Variants in CYP4F3 observed in about 807,000 individuals in gnomAD.
The protein encoded by CYP4F3 is cytochrome P450 family 4 subfamily F member 3, also known as cytochrome P450 4F3.
CYP4F3 carries 50 observed loss-of-function variants against 54.8 expected under a neutral mutation model. The observed-to-expected ratio is 0.91, with a 90% CI of 0.73 to 1.16. The LOEUF is 1.16. Ranked by LOEUF, CYP4F3 falls within the 50% of genes most tolerant of loss-of-function variation. CYP4F3 has a pLI of 0.00. For synonymous variants in CYP4F3, 244 were observed against 262.6 expected, an observed-to-expected ratio of 0.93 and a Z score of 0.69; for missense variants, 715 against 676.2, an observed-to-expected ratio of 1.06 and a Z score of -0.64.
chr19:15,650,240 C>T (rs748064485), intron 7 of CYP4F3, 57 bp downstream of exon 7: 1 of 1,613,952 alleles, frequency 6.2e-7, no homozygotes, highest in South Asian at 1.1e-5. Flanking sequence ...TGTGAAATGT[C>T]AGATGAAAGA....
intron 7 of CYP4F3, 181 bp downstream of exon 7, chr19:15,650,364 A>G (rs954156030): frequency 4.1e-6 from 5 of 1,206,400 alleles, no homozygotes; most frequent in Admixed American, 2.2e-5. Flanking sequence ...CTACCAGGGG[A>G]CTGCTAAATG....
chr19:15,641,056 C>T (rs540123648), intron 1 of CYP4F3, 111 bp downstream of exon 1: 1 of 269,108 alleles, frequency 3.7e-6, no homozygotes, highest in Non-Finnish European at 7.2e-6. Flanking sequence ...CCACATTCTC[C>T]ATTGCTGCCC....
In CYP4F3 at chr19:15,652,803, C is replaced by T; in HGVS notation, c.986-20C>T. On this transcript the variant is annotated intron_variant, in intron 8 of 12. Coordinates refer to ENST00000221307, the MANE Select transcript of CYP4F3 (RefSeq NM_000896.3). ...TGCTGAAGCAGCCCAGAGACCCAAG[C>T]CTGCCTTGCTGCCCCCCAGGCCATG... 5.0e-6 allele frequency: 8 copies of T among 1,606,804 alleles called. No individual in the cohort carries two copies. Among genetic ancestry groups the T allele is most frequent in the Non-Finnish European group, 6.8e-6 (8 of 1,176,244 alleles).
chr19:15,658,328 C>T lies in CYP4F3; in HGVS notation c.1180C>T (p.Pro394Ser). 6.2e-7 allele frequency: 1 copy of T among 1,614,178 alleles called. No homozygotes were observed. The highest frequency in any genetic ancestry group is 8.5e-7 in the Non-Finnish European group (1 of 1,180,034). The change falls in exon 10 of 13, where the codon CCA becomes TCA. Residue 394 changes from proline (P) to serine (S), a missense_variant. By Grantham distance (74) the Pro-to-Ser change is moderately conservative. Transcript: ENST00000221307. ...CIKESLRLHP[P>S]VPAVSRCCTQ... Reference sequence around the variant, plus strand: ...TAAGGAGAGCCTGAGGCTGCATCCCCCAGTCCCTGCCGTCTCTCGCTGCTG... The same window carrying T: ...TAAGGAGAGCCTGAGGCTGCATCCCTCAGTCCCTGCCGTCTCTCGCTGCTG...
intron 5 of CYP4F3, among the ~76,000 whole-genome samples, chr19:15,648,431 T>C (rs1433398935): frequency 1.3e-5 from 2 of 151,988 alleles, no homozygotes; most frequent in African/African-American, 4.8e-5. Context: ...GGGTGTCCCT[T>C]ATCCTCAAAG....
chr19:15,646,605 G>A (rs1477704055), intron 3 of CYP4F3, among the ~76,000 whole-genome samples: 1 of 152,090 alleles, frequency 6.6e-6, no homozygotes, highest in Admixed American at 6.5e-5. Flanking sequence ...GTATTTTGTG[G>A]CCATGTCAGG....
At chr19:15,645,650 C>G in intron 2 of CYP4F3, 69 bp from the exon 3 acceptor site, 2 of 1,513,750 alleles carry the variant, frequency 1.3e-6, no homozygotes. Context: ...GCTTCCACCT[C>G]TTCCCTGCAG....
Position 15,658,544 on chromosome 19 carries a change from C to T in CYP4F3, c.1303C>T (p.Pro435Ser), listed in dbSNP as rs763368515. Residue 435 changes from proline to serine, a missense_variant, in exon 11 of 13, where the codon CCG becomes TCG. Pro to Ser is a moderately conservative substitution (Grantham distance 74). Transcript: ENST00000221307. ...FGTHHNPAVW[P>S]DPEVYDPFRF... ...AACCCATCACAACCCAGCCGTGTGG[C>T]CGGACCCTGAGGTGCGGGCCCCCCG... The T allele has an allele frequency of 1.8e-5, 29 of 1,614,160 alleles. No individual in the cohort carries two copies. Among genetic ancestry groups the T allele is most frequent in the South Asian group, 1.6e-4 (15 of 91,088 alleles).
At chr19:15,643,015 T>C (rs1031250536) in intron 2 of CYP4F3, among the ~76,000 whole-genome samples, 5 of 150,850 alleles carry the variant, frequency 3.3e-5, no homozygotes, top group African/African-American at 1.2e-4. Flanking sequence ...GATGGATGGA[T>C]AGATAGCTAG....
Position 15,641,538 on chromosome 19 carries a change from C to G in CYP4F3, c.123C>G (p.Phe41Leu), listed in dbSNP as rs1972463526. 5.0e-6 allele frequency: 8 copies of G among 1,614,084 alleles called. No individual in the cohort carries two copies. The highest frequency in any genetic ancestry group is 6.8e-6 in the Non-Finnish European group (8 of 1,180,042). ...LARILAWTYT[F>L]YDNCCRLRCF... The stretch of plus-strand genomic sequence containing the variant: ...GCATCCTGGCCTGGACCTATACCTT[C>G]TATGACAACTGCTGCCGCCTCCGGT... Residue 41 changes from phenylalanine (F) to leucine (L), a missense_variant, in exon 2 of 13, where the codon TTC becomes TTG. Coordinates refer to ENST00000221307, the MANE Select transcript of CYP4F3 (RefSeq NM_000896.3).
chr19:15,649,367 C>A (rs1202416532), intron 6 of CYP4F3, 86 bp downstream of exon 6: 3 of 1,596,290 alleles, frequency 1.9e-6, no homozygotes, highest in Non-Finnish European at 2.6e-6. Flanking sequence ...GCAGGGAAAT[C>A]AGACAAACCT....
At position 15,658,400 on chromosome 19, in the gene CYP4F3, G is replaced by A. The variant is rs769189118; in HGVS notation, c.1249+3G>A. ...AGACGGCCGGGTCATCCCCAAAGGT[G>A]CCACAGCCTCAGGGGGAGGAGCCTC... is the stretch of plus-strand genomic sequence containing the variant. On this transcript the variant is annotated splice_donor_region_variant and intron_variant, in intron 10 of 12. Coordinates refer to ENST00000221307, the MANE Select transcript of CYP4F3 (RefSeq NM_000896.3). 7 of 1,613,684 alleles carry A rather than the reference G, an allele frequency of 4.3e-6. No homozygotes were observed. The South Asian group carries it at 6.6e-5, about 15-fold the overall frequency.
chr19:15,659,159 G>C (rs908064663), intron 12 of CYP4F3, 61 bp from the exon 13 acceptor site: 2 of 1,279,374 alleles, frequency 1.6e-6, no homozygotes, highest in Non-Finnish European at 1.1e-6. Flanking sequence ...CAGGTTACCG[G>C]CTTGATGGGG....
chr19:15,652,635 G>A lies in CYP4F3; in HGVS notation c.985G>A (p.Gly329Ser). ...RAEADTFMFE[G>S]HDTTASGLSW... Reference sequence around the variant, plus strand: ...AGAAGCTGACACCTTTATGTTTGAGGGTGAGGGCCCCAGTGTGGGGCTAGA... The same window carrying A: ...AGAAGCTGACACCTTTATGTTTGAGAGTGAGGGCCCCAGTGTGGGGCTAGA... The change falls in exon 8 of 13, where the codon GGC (glycine) becomes AGC (serine). Residue 329 changes from glycine to serine, a missense_variant and splice_region_variant. Physicochemically the swap from Gly to Ser is moderately conservative, Grantham distance 56. Coordinates refer to ENST00000221307, the MANE Select transcript of CYP4F3 (RefSeq NM_000896.3). 2 of 1,614,160 alleles carry A rather than the reference G, an allele frequency of 1.2e-6. No homozygotes were observed. Among genetic ancestry groups the A allele is most frequent in the Non-Finnish European group, 1.7e-6 (2 of 1,180,030 alleles).
At position 15,645,853 on chromosome 19, in the gene CYP4F3, C is replaced by G. The variant is rs575873404; in HGVS notation, c.333C>G (p.Leu111=). 759 of 1,608,634 alleles carry G rather than the reference C, an allele frequency of 4.7e-4. 10 individuals carry two copies. In the South Asian group the frequency reaches 7.9e-3, roughly 17 times the overall value. ...IFHPTYIKPV[L]FAPAAIVPKD... The stretch of plus-strand genomic sequence containing the variant: ...ACCCCACCTACATCAAGCCTGTGCT[C>G]TTTGCTCCAGGTAGACACTGCACTG... The change falls in exon 3 of 13, where the codon CTC becomes CTG. Residue 111 remains leucine, a synonymous_variant. Transcript: ENST00000221307.
chr19:15,658,455 G>A (rs1352149813), intron 10 of CYP4F3, 36 bp from the exon 11 acceptor site: 2 of 1,613,896 alleles, frequency 1.2e-6, no homozygotes, highest in East Asian at 4.5e-5. Context: ...CCTCAGGCAG[G>A]GAGCATTGTC....
intron 6 of CYP4F3, 143 bp from the exon 7 acceptor site, chr19:15,649,770 A>T: frequency 1.7e-5 from 20 of 1,192,740 alleles, no homozygotes; most frequent in Non-Finnish European, 2.3e-5. Flanking sequence ...TTTCATGCTG[A>T]TCCCCATCCT....
intron 7 of CYP4F3, among the ~76,000 whole-genome samples, chr19:15,652,326 A>C (rs911264856): frequency 1.3e-5 from 2 of 152,174 alleles, no homozygotes; most frequent in Non-Finnish European, 1.5e-5. Flanking sequence ...ACATGAAAGC[A>C]TTCATGGGTC....
Position 15,645,718 on chromosome 19 carries a change from G to C in CYP4F3, c.199-1G>C, listed in dbSNP as rs143929890. On this transcript the variant is annotated splice_acceptor_variant, in intron 2 of 12. Transcript: ENST00000221307. LOFTEE classifies it high-confidence loss of function. Reference sequence around the variant, plus strand: ...ATTGGGTCCTGTGTCTTTCTCTCCAGATTCACAGCTCGGAGGAAGGTCTCC... The same window carrying C: ...ATTGGGTCCTGTGTCTTTCTCTCCACATTCACAGCTCGGAGGAAGGTCTCC... 52 of 1,604,538 alleles carry C rather than the reference G, an allele frequency of 3.2e-5. No individual in the cohort carries two copies. The African/African-American group carries it at 6.4e-4, about 20-fold the overall frequency.
Sources: allele counts gnomAD v4.1 joint callset (sites outside exome capture counted in the v4.1 genomes callset), GRCh38; gene constraint gnomAD v4.1.1; transcripts MANE v1.5; gene names NCBI Gene and HGNC (gene_info 2026-07-23, HGNC 2026-07-21).